GNAO1: variants seen among roughly 807,000 people sequenced by gnomAD.
The protein encoded by GNAO1 is guanine nucleotide-binding protein G(o) subunit alpha.
For missense variants in GNAO1, 166 were observed against 478.7 expected, an observed-to-expected ratio of 0.35 and a Z score of 6.10; for synonymous variants, 164 against 180.7, an observed-to-expected ratio of 0.91 and a Z score of 0.74.
chr16:56,337,702 C>T (rs1232504387), intron 6 of GNAO1, among the ~76,000 whole-genome samples: 2 of 152,208 alleles, frequency 1.3e-5, no homozygotes, highest in African/African-American at 4.8e-5. Flanking sequence ...GCGTGTGCAG[C>T]GCTCTGGAGC....
chr16:56,283,718 G>A (rs1238399440), intron 3 of GNAO1, among the ~76,000 whole-genome samples: 2 of 152,144 alleles, frequency 1.3e-5, no homozygotes, highest in Non-Finnish European at 2.9e-5. Context: ...GGATGTAATA[G>A]ATGAAGGCTT....
In GNAO1 at chr16:56,235,532, C is replaced by T. The variant is rs550198791; in HGVS notation, c.162-40399C>T. The T allele has an allele frequency of 1.7e-5, 7 of 412,166 alleles. No homozygotes were observed. In the East Asian group the frequency reaches 4.9e-4, roughly 29 times the overall value. The allele number at this position is 412,166 out of a possible 1,614,324, so 25.5% of individuals were successfully genotyped here. On this transcript the variant is annotated intron_variant, in intron 2 of 8. Coordinates refer to ENST00000262493, the MANE Select transcript of GNAO1 (RefSeq NM_020988.3). ...TTCTCCTCGACATCCCCTGAGAGCA[C>T]AACCAGTCTGACAATTGTTCCTAAA...
intron 2 of GNAO1, among the ~76,000 whole-genome samples, chr16:56,261,980 C>T (rs150311459): frequency 8.9e-4 from 135 of 152,322 alleles, no homozygotes; most frequent in African/African-American, 2.6e-3. Context: ...CCTAGGGGTA[C>T]ACTAGCTTCA....
chr16:56,228,486 T>C (rs2036556099), intron 2 of GNAO1, among the ~76,000 whole-genome samples: 1 of 151,596 alleles, frequency 6.6e-6, no homozygotes, highest in South Asian at 2.1e-4. Flanking sequence ...TTATGTATAT[T>C]AAAATACATA....
Position 56,197,182 on chromosome 16 carries a change from C to T in GNAO1, c.161+4566C>T, listed in dbSNP as rs1277234050. Among the ~76,000 whole-genome samples, 6 of 152,312 alleles carry T rather than the reference C, an allele frequency of 3.9e-5. No homozygotes were observed. In the East Asian group the frequency reaches 9.6e-4, roughly 24 times the overall value. ...AGCCATTACTCCATGAAAGTGCGTC[C>T]GTCTAAAAGGACATTTCCCACACTG... On this transcript the variant is annotated intron_variant, in intron 2 of 8. Transcript: ENST00000262493.
chr16:56,244,991 A>G (rs1218988324), intron 2 of GNAO1, among the ~76,000 whole-genome samples: 7 of 152,174 alleles, frequency 4.6e-5, no homozygotes, highest in African/African-American at 1.7e-4. Context: ...TATCCAGTGC[A>G]TTTTCTCTGG....
chr16:56,195,091 TTTC>T (rs57006705), intron 2 of GNAO1, among the ~76,000 whole-genome samples: 61,017 of 120,636 alleles, frequency 0.51, 12,964 homozygotes, highest in East Asian at 0.6. Flanking sequence ...TTTTTTTTTT[TTTC>T]CAACCTTACA....
chr16:56,314,418 A>C (rs113796206), intron 3 of GNAO1, among the ~76,000 whole-genome samples: 5 of 152,148 alleles, frequency 3.3e-5, no homozygotes, highest in Non-Finnish European at 5.9e-5. Context: ...CCGGCTTGCA[A>C]CTCAGCCTTT....
chr16:56,230,124 A>T (rs1596810020), intron 2 of GNAO1, among the ~76,000 whole-genome samples: 1 of 100,044 alleles, frequency 1.0e-5, no homozygotes, highest in African/African-American at 4.8e-5. Context: ...CCATAACTTT[A>T]AAAAAAAAAA....
chr16:56,200,736 G>A (rs1248942065), intron 2 of GNAO1, among the ~76,000 whole-genome samples: 2 of 152,224 alleles, frequency 1.3e-5, no homozygotes, highest in African/African-American at 4.8e-5. Flanking sequence ...GAGGTCAGTG[G>A]CTGAGAGAAT....
At chr16:56,320,005 A>G (rs2037555421) in intron 3 of GNAO1, among the ~76,000 whole-genome samples, 1 of 152,206 alleles carries the variant, frequency 6.6e-6, no homozygotes, top group Non-Finnish European at 1.5e-5. Context: ...GTGAGATATC[A>G]TTTAACCAGA....
rs534692967 is a variant in GNAO1, at chr16:56,354,727, G to A, written c.878-139G>A. On this transcript the variant is annotated intron_variant, in intron 7 of 8. Coordinates refer to ENST00000262493, the MANE Select transcript of GNAO1 (RefSeq NM_020988.3). This position sits in a 1 kb window ranked among gnomAD's most constrained non-coding sequence, Gnocchi z 4.3. ...TGCAACTATGGCTTGGAACTGCCCA[G>A]CAGTTCCTACTGCTCCCTTCCTGTC... is the stretch of plus-strand genomic sequence containing the variant. 76 of 582,238 alleles carry A rather than the reference G, an allele frequency of 1.3e-4. 1 individual carries two copies. In the Admixed American group the frequency reaches 2.4e-3, roughly 19 times the overall value. The allele number at this position is 582,238 out of a possible 1,614,324, so 36.1% of individuals were successfully genotyped here. A position where few individuals can be genotyped will look rare whatever the true frequency, so the allele number is the denominator to read the frequency against.
chr16:56,222,113 T>C lies in GNAO1; in HGVS notation c.161+29497T>C, dbSNP rs557703509. ...ATGAACAGGAGATTGAGAAAGCCTTTATAAGGTCTTCCTAAGTGATGCTGA... is the reference window on the plus strand; with the variant it reads ...ATGAACAGGAGATTGAGAAAGCCTTCATAAGGTCTTCCTAAGTGATGCTGA... On this transcript the variant is annotated intron_variant, in intron 2 of 8. Transcript: ENST00000262493. 3.9e-5 allele frequency among the ~76,000 whole-genome samples: 6 copies of C among 152,306 alleles called. No homozygotes were observed. The South Asian group carries it at 1.0e-3, about 26-fold the overall frequency.
chr16:56,315,433 G>A (rs2037498207), intron 3 of GNAO1, among the ~76,000 whole-genome samples: 1 of 152,094 alleles, frequency 6.6e-6, no homozygotes, highest in African/African-American at 2.4e-5. Flanking sequence ...GGAGGATGAG[G>A]GCATCATGGA....
intron 6 of GNAO1, chr16:56,346,643 G>A: frequency 1.0e-6 from 1 of 985,352 alleles, no homozygotes; most frequent in Non-Finnish European, 1.2e-6. Flanking sequence ...CAACAGCTTT[G>A]GCATTCTGGG....
chr16:56,316,290 C>T (rs2037508882), intron 3 of GNAO1, among the ~76,000 whole-genome samples: 1 of 152,186 alleles, frequency 6.6e-6, no homozygotes, highest in Non-Finnish European at 1.5e-5. Flanking sequence ...CTGCCAGGCT[C>T]TATGGGGAAG....
At chr16:56,220,982 G>A (rs376791295) in intron 2 of GNAO1, among the ~76,000 whole-genome samples, 98 of 152,120 alleles carry the variant, frequency 6.4e-4, no homozygotes, top group Non-Finnish European at 1.0e-3. Flanking sequence ...TCCTGACCTC[G>A]TGATCCACCT....
chr16:56,340,052 G>T (rs569247857), intron 6 of GNAO1, among the ~76,000 whole-genome samples: 27 of 152,358 alleles, frequency 1.8e-4, no homozygotes, highest in African/African-American at 6.5e-4. Flanking sequence ...CCCGCACCGG[G>T]CTCTCTGCAG....
intron 3 of GNAO1, among the ~76,000 whole-genome samples, chr16:56,313,755 C>CT (rs1456347404): frequency 6.6e-6 from 1 of 152,148 alleles, no homozygotes. Flanking sequence ...GAGACGGTAT[C>CT]TGTCTCGCCC....
Sources: gnomAD v4.1 joint callset for allele counts (sites outside exome capture counted in the v4.1 genomes callset) on GRCh38, gnomAD v4.1.1 for gene constraint, Gnocchi (gnomAD v3.1) non-coding constraint, MANE v1.5 for transcripts, NCBI Gene and HGNC (gene_info 2026-07-23, HGNC 2026-07-21) for gene names.